ZP3: variants seen among roughly 807,000 people sequenced by gnomAD.
ZP3 encodes zona pellucida sperm-binding protein 3.
Under a neutral mutation model 35.6 loss-of-function variants are expected in ZP3, and 21 were observed. The ratio of observed to expected loss-of-function variants is 0.59; its 90% confidence interval spans 0.42 to 0.85. The LOEUF (loss-of-function observed/expected upper bound fraction) is 0.85, where lower values mean the gene tolerates loss of function less well. Among genes scored for constraint, ZP3 ranks in the 40% least tolerant of loss-of-function variants. The pLI, the probability that ZP3 is intolerant of heterozygous loss-of-function variation, is 0.00. For synonymous variants in ZP3, 207 were observed against 214.5 expected (o/e 0.96, Z 0.31); for missense variants, 437 against 536.5 (o/e 0.81, Z 1.83).
intron 5 of ZP3, among the ~76,000 whole-genome samples, chr7:76,437,311 A>G (rs1416719545): frequency 1.6e-4 from 24 of 151,758 alleles, no homozygotes; most frequent in Non-Finnish European, 3.2e-4. Context: ...AATAGTTGGA[A>G]TTATAGGCAC....
At chr7:76,424,563 A>C (rs141806769), upstream of ZP3, among the ~76,000 whole-genome samples, 200 of 152,286 alleles carry the variant, frequency 1.3e-3, no homozygotes, top group African/African-American at 4.6e-3. Flanking sequence ...AACCTGGCTG[A>C]GAAGTGGAGG....
chr7:76,412,956 C>G (rs1055707428), intron 1 of ZP3, among the ~76,000 whole-genome samples: 2 of 94,562 alleles, frequency 2.1e-5, no homozygotes, highest in Non-Finnish European at 4.2e-5. Context: ...TTGTCTTCTT[C>G]TTCTTCTTCT....
intron 1 of ZP3, among the ~76,000 whole-genome samples, chr7:76,419,527 A>G (rs1472110365): frequency 6.6e-6 from 1 of 152,044 alleles, no homozygotes; most frequent in Non-Finnish European, 1.5e-5. Context: ...CCTAACAGCA[A>G]TGTGTCTTAA....
chr7:76,437,538 T>G (rs1224799833), intron 5 of ZP3, among the ~76,000 whole-genome samples: 1 of 147,994 alleles, frequency 6.8e-6, no homozygotes, highest in Non-Finnish European at 1.5e-5. Flanking sequence ...CAGGCTAGAG[T>G]GCAATGGCGT....
At chr7:76,430,918 T>C (rs887048) in intron 2 of ZP3, among the ~76,000 whole-genome samples, 97,348 of 152,010 alleles carry the variant, frequency 0.64, 32,069 homozygotes, top group African/African-American at 0.79. Context: ...AACGGGAGGG[T>C]AGTGTGCCCT....
intron 1 of ZP3, among the ~76,000 whole-genome samples, chr7:76,405,193 T>C (rs1157595789): frequency 7.4e-6 from 1 of 135,258 alleles, no homozygotes; most frequent in African/African-American, 2.6e-5. Context: ...AACCTCCATC[T>C]CTCAGGTTCA....
At chr7:76,432,493 T>C (rs1289225099) in intron 2 of ZP3, among the ~76,000 whole-genome samples, 2 of 152,036 alleles carry the variant, frequency 1.3e-5, no homozygotes, top group Non-Finnish European at 2.9e-5. Context: ...CTCTTTTCTT[T>C]TTTATAGAGA....
intron 1 of ZP3, among the ~76,000 whole-genome samples, chr7:76,407,635 A>G (rs1341721042): frequency 6.6e-6 from 1 of 152,148 alleles, no homozygotes. Context: ...TGGGAGGCTA[A>G]GGCAGGAGGA....
At chr7:76,423,071 G>T (rs571349683), upstream of ZP3, among the ~76,000 whole-genome samples, 2 of 143,240 alleles carry the variant, frequency 1.4e-5, no homozygotes, top group South Asian at 4.5e-4. Flanking sequence ...AAGAAAGAAA[G>T]AAAGAAAGAA....
chr7:76,426,540 T>G (rs1049700784), intron 1 of ZP3, among the ~76,000 whole-genome samples: 1 of 152,128 alleles, frequency 6.6e-6, no homozygotes, highest in Non-Finnish European at 1.5e-5. Flanking sequence ...GGCCCTTGTT[T>G]TCCTGGGGAG....
At chr7:76,411,649 A>G (rs1172869063) in intron 1 of ZP3, among the ~76,000 whole-genome samples, 1 of 152,178 alleles carries the variant, frequency 6.6e-6, no homozygotes, top group Non-Finnish European at 1.5e-5. Context: ...GGTGATATCA[A>G]ATGCTAGTGA....
intron 1 of ZP3, among the ~76,000 whole-genome samples, chr7:76,406,416 C>T (rs764493510): frequency 6.6e-6 from 1 of 152,094 alleles, no homozygotes; most frequent in African/African-American, 2.4e-5. Context: ...TCTGGTTTTC[C>T]GTTTATCAGA....
intron 2 of ZP3, among the ~76,000 whole-genome samples, chr7:76,430,926 C>T (rs573532403): frequency 2.0e-5 from 3 of 152,110 alleles, no homozygotes; most frequent in Admixed American, 6.6e-5. Context: ...GGTAGTGTGC[C>T]CTTAGTAGGT....
chr7:76,421,650 A>G (rs1169705341), upstream of ZP3, among the ~76,000 whole-genome samples: 1 of 150,870 alleles, frequency 6.6e-6, no homozygotes, highest in Non-Finnish European at 1.5e-5. Context: ...GCTGGAGTGC[A>G]GTGGCGCAAT....
chr7:76,418,729 G>T (rs182870765), intron 1 of ZP3, among the ~76,000 whole-genome samples: 2 of 150,832 alleles, frequency 1.3e-5, no homozygotes, highest in Admixed American at 1.3e-4. Flanking sequence ...GGTGGCAGGC[G>T]CCTATAGTCC....
At chr7:76,409,175 A>G (rs1381768017) in intron 1 of ZP3, among the ~76,000 whole-genome samples, 2 of 152,138 alleles carry the variant, frequency 1.3e-5, no homozygotes, top group African/African-American at 2.4e-5. Flanking sequence ...GTGGATACTC[A>G]GGAAATGTTT....
intron 1 of ZP3, chr7:76,400,697 G>A (rs994870662): frequency 1.3e-5 from 16 of 1,253,254 alleles, no homozygotes; most frequent in Admixed American, 3.1e-5. Flanking sequence ...TGGTAGAGAC[G>A]GGGTCTCACT....
At chr7:76,429,450 G>A (rs6465128) in intron 1 of ZP3, 65 bp from the exon 2 acceptor site, 2 of 1,516,294 alleles carry the variant, frequency 1.3e-6, no homozygotes, top group Admixed American at 3.3e-5. Flanking sequence ...TGAGCACTCA[G>A]GTATGGCTTG....
intron 5 of ZP3, among the ~76,000 whole-genome samples, chr7:76,435,312 C>T (rs1479370596): frequency 1.3e-5 from 2 of 152,230 alleles, no homozygotes; most frequent in Non-Finnish European, 1.5e-5. Flanking sequence ...GCCACCATGC[C>T]TGGCTAATTT....
Sources: allele counts gnomAD v4.1 joint callset (sites outside exome capture counted in the v4.1 genomes callset), GRCh38; gene constraint gnomAD v4.1.1; transcripts MANE v1.5; gene names NCBI Gene and HGNC (gene_info 2026-07-23, HGNC 2026-07-21).